The following CSGALNACT1 variants were observed in gnomAD, a reference collection of about 807,000 sequenced individuals.
The protein encoded by CSGALNACT1 is beta4GalNAcT-1.
CSGALNACT1 carries 52 observed loss-of-function variants against 51.0 expected under a neutral mutation model. The observed-to-expected ratio is 1.02, with a 90% CI of 0.82 to 1.29. CSGALNACT1 has a LOEUF of 1.29. Ranked by LOEUF, CSGALNACT1 falls within the 50% of genes most tolerant of loss-of-function variation. The pLI, the probability that CSGALNACT1 is intolerant of heterozygous loss-of-function variation, is 0.00. For missense variants in CSGALNACT1, 935 were observed against 679.2 expected (o/e 1.38, Z -4.19); for synonymous variants, 341 against 254.4 (o/e 1.34, Z -3.24).
intron 3 of CSGALNACT1, among the ~76,000 whole-genome samples, chr8:19,520,625 T>A (rs1034499786): frequency 6.6e-6 from 1 of 152,248 alleles, no homozygotes; most frequent in African/African-American, 2.4e-5. Context: ...AGATGCCACA[T>A]GACAATTATT....
intron 1 of CSGALNACT1, among the ~76,000 whole-genome samples, chr8:19,643,573 G>A (rs2056957641): frequency 6.6e-6 from 1 of 151,780 alleles, no homozygotes; most frequent in African/African-American, 2.4e-5. Context: ...GGGACACAGA[G>A]GTTGCAGTAA....
At chr8:19,538,152 A>G (rs2084205416) in intron 3 of CSGALNACT1, among the ~76,000 whole-genome samples, 1 of 152,048 alleles carries the variant, frequency 6.6e-6, no homozygotes, top group Non-Finnish European at 1.5e-5. Flanking sequence ...TGATACTGCT[A>G]CAAAAAATGA....
At chr8:19,744,171 G>C (rs1563202343) in intron 1 of CSGALNACT1, among the ~76,000 whole-genome samples, 1 of 152,136 alleles carries the variant, frequency 6.6e-6, no homozygotes, top group Non-Finnish European at 1.5e-5. Flanking sequence ...TAAAAAGAAA[G>C]ACAGATGGCT....
chr8:19,441,774 G>C (rs764746055), intron 5 of CSGALNACT1, among the ~76,000 whole-genome samples: 130 of 152,020 alleles, frequency 8.6e-4, no homozygotes, highest in Non-Finnish European at 1.5e-3. Flanking sequence ...CCATCAGAGT[G>C]AACAGGCAAC....
At chr8:19,660,465 A>C (rs1427609310) in intron 1 of CSGALNACT1, among the ~76,000 whole-genome samples, 2 of 152,194 alleles carry the variant, frequency 1.3e-5, no homozygotes, top group Non-Finnish European at 2.9e-5. Flanking sequence ...CTGTAACACT[A>C]TGGTGCCACA....
At chr8:19,427,531 G>A (rs2058956274) in intron 6 of CSGALNACT1, among the ~76,000 whole-genome samples, 2 of 152,156 alleles carry the variant, frequency 1.3e-5, no homozygotes, top group South Asian at 4.1e-4. Flanking sequence ...GCTCATGCTT[G>A]TAATCCCAGC....
intron 3 of CSGALNACT1, among the ~76,000 whole-genome samples, chr8:19,544,234 A>C (rs1286204355): frequency 6.6e-6 from 1 of 152,214 alleles, no homozygotes; most frequent in Admixed American, 6.5e-5. Context: ...AACTGAGCAG[A>C]CAGCTGGAAT....
chr8:19,611,539 A>T (rs1037563666), intron 1 of CSGALNACT1, among the ~76,000 whole-genome samples: 3 of 152,212 alleles, frequency 2.0e-5, no homozygotes, highest in Non-Finnish European at 4.4e-5. Flanking sequence ...AAGGACACCT[A>T]CTATTCAGGA....
intron 3 of CSGALNACT1, among the ~76,000 whole-genome samples, chr8:19,586,014 T>C (rs2046548524): frequency 6.6e-6 from 1 of 152,156 alleles, no homozygotes; most frequent in Non-Finnish European, 1.5e-5. Context: ...TCACCTCAGT[T>C]TTCTTTCAAC....
At chr8:19,439,458 T>A (rs1321774382) in intron 6 of CSGALNACT1, among the ~76,000 whole-genome samples, 1 of 152,206 alleles carries the variant, frequency 6.6e-6, no homozygotes, top group Non-Finnish European at 1.5e-5. Flanking sequence ...GAGACGGAGC[T>A]CACTGCCCAG....
chr8:19,405,143 A>C, exon 10 of CSGALNACT1: 1 of 451,870 alleles, frequency 2.2e-6, no homozygotes, highest in South Asian at 1.6e-5. Flanking sequence ...CACAAGGGAA[A>C]AAAAGTGCAT....
chr8:19,712,935 C>A (rs2062596440), intron 1 of CSGALNACT1, among the ~76,000 whole-genome samples: 1 of 152,184 alleles, frequency 6.6e-6, no homozygotes, highest in Non-Finnish European at 1.5e-5. Flanking sequence ...GCAGAACATT[C>A]TAAAACATCA....
chr8:19,475,019 G>A (rs767684766), intron 4 of CSGALNACT1, among the ~76,000 whole-genome samples: 7 of 152,074 alleles, frequency 4.6e-5, no homozygotes, highest in African/African-American at 1.2e-4. Context: ...CTATAACACC[G>A]TGGTCAGGGC....
At chr8:19,474,291 T>TC (rs1338724639) in intron 4 of CSGALNACT1, among the ~76,000 whole-genome samples, 3 of 152,058 alleles carry the variant, frequency 2.0e-5, no homozygotes, top group Admixed American at 6.5e-5. Flanking sequence ...ACCCAATTCT[T>TC]CCTCTACCCT....
At chr8:19,554,388 G>C (rs1474888235) in intron 3 of CSGALNACT1, among the ~76,000 whole-genome samples, 1 of 152,140 alleles carries the variant, frequency 6.6e-6, no homozygotes, top group Non-Finnish European at 1.5e-5. Context: ...ACGGTGAGAG[G>C]AGCTACAGGA....
chr8:19,707,837 C>T (rs544271090), intron 1 of CSGALNACT1, among the ~76,000 whole-genome samples: 1 of 152,206 alleles, frequency 6.6e-6, no homozygotes, highest in East Asian at 1.9e-4. Flanking sequence ...CCTGTCTCTA[C>T]TAAAAATACA....
At chr8:19,623,017 C>T (rs977265114) in intron 1 of CSGALNACT1, among the ~76,000 whole-genome samples, 1 of 152,140 alleles carries the variant, frequency 6.6e-6, no homozygotes, top group African/African-American at 2.4e-5. Context: ...ACGTAGGTAA[C>T]AAACCTGCAC....
At chr8:19,568,372 G>A (rs1043144831) in intron 3 of CSGALNACT1, among the ~76,000 whole-genome samples, 11 of 152,000 alleles carry the variant, frequency 7.2e-5, no homozygotes, top group Admixed American at 7.2e-4. Flanking sequence ...GGGAAAATAT[G>A]GTATTATAAT....
intron 1 of CSGALNACT1, among the ~76,000 whole-genome samples, chr8:19,610,194 G>A (rs2052019182): frequency 6.7e-6 from 1 of 150,010 alleles, no homozygotes; most frequent in African/African-American, 2.5e-5. Context: ...GGAGGCTGAG[G>A]CAGGAGAATT....
Sources: allele counts gnomAD v4.1 joint callset (sites outside exome capture counted in the v4.1 genomes callset), GRCh38; gene constraint gnomAD v4.1.1; transcripts MANE v1.5; gene names NCBI Gene and HGNC (gene_info 2026-07-23, HGNC 2026-07-21).